Variants in ADAM10 observed in about 807,000 individuals in gnomAD.
ADAM10 encodes disintegrin and metalloproteinase domain-containing protein 10.
Under a neutral mutation model 90.1 loss-of-function variants are expected in ADAM10, and 17 were observed. The ratio of observed to expected loss-of-function variants is 0.19; its 90% CI spans 0.13 to 0.28. The LOEUF (loss-of-function observed/expected upper bound fraction) is 0.28, where lower values mean the gene tolerates loss of function less well. Ranked by LOEUF, ADAM10 falls within the 10% of genes least tolerant of loss-of-function variation. The probability of loss-of-function intolerance (pLI) is 1.00; values close to 1 mark genes in which losing one functional copy is unlikely to be tolerated. For synonymous variants in ADAM10, 310 were observed against 298.6 expected (o/e 1.04, Z -0.40); for missense variants, 610 against 914.3 (o/e 0.67, Z 4.29).
intron 1 of ADAM10, among the ~76,000 whole-genome samples, chr15:58,744,079 T>C (rs1489116187): frequency 6.6e-6 from 1 of 152,246 alleles, no homozygotes; most frequent in Non-Finnish European, 1.5e-5. Context: ...TTTTATTTGC[T>C]GTACCTGCCT....
intron 1 of ADAM10, among the ~76,000 whole-genome samples, chr15:58,727,620 A>G (rs1665204331): frequency 6.6e-6 from 1 of 152,202 alleles, no homozygotes; most frequent in South Asian, 2.1e-4. Flanking sequence ...GCATGAGATG[A>G]CACGCCAGCC....
chr15:58,662,292 G>A (rs1472429656), intron 5 of ADAM10, among the ~76,000 whole-genome samples: 1 of 152,012 alleles, frequency 6.6e-6, no homozygotes, highest in African/African-American at 2.4e-5. Context: ...TCTACTCTAG[G>A]GCTAGGTTAG....
At chr15:58,656,226 T>C (rs1208396316) in intron 5 of ADAM10, among the ~76,000 whole-genome samples, 1 of 152,210 alleles carries the variant, frequency 6.6e-6, no homozygotes, top group Non-Finnish European at 1.5e-5. Flanking sequence ...GTTTCTTGTA[T>C]GCAATAGATC....
chr15:58,743,470 G>C (rs893700835), intron 1 of ADAM10, among the ~76,000 whole-genome samples: 2 of 152,066 alleles, frequency 1.3e-5, no homozygotes, highest in Non-Finnish European at 2.9e-5. Flanking sequence ...AGACAGACAA[G>C]AAATTTAACT....
chr15:58,735,257 C>G (rs1899391891), intron 1 of ADAM10, among the ~76,000 whole-genome samples: 1 of 152,152 alleles, frequency 6.6e-6, no homozygotes, highest in African/African-American at 2.4e-5. Context: ...CTACTCTATC[C>G]TGATCCTTAC....
chr15:58,683,859 CAAAAAAAAAA>C (rs71425819), intron 2 of ADAM10, among the ~76,000 whole-genome samples: 23,031 of 67,740 alleles, frequency 0.34, 2,318 homozygotes, highest in East Asian at 0.58. Flanking sequence ...GGCTCCATCT[CAAAAAAAAAA>C]AAAAAAAAAA....
chr15:58,621,440 A>T (rs772429072), intron 11 of ADAM10, 31 bp downstream of exon 11: 10 of 1,613,444 alleles, frequency 6.2e-6, no homozygotes, highest in African/African-American at 1.3e-5. Flanking sequence ...ACTTTACAAG[A>T]ATGTTAACAT....
chr15:58,661,379 T>C (rs942284147), intron 5 of ADAM10, among the ~76,000 whole-genome samples: 31 of 152,158 alleles, frequency 2.0e-4, no homozygotes, highest in Non-Finnish European at 1.3e-4. Flanking sequence ...TTTAAAAAGA[T>C]CTTTAATTTG....
chr15:58,656,752 T>C (rs1896838590), intron 5 of ADAM10, among the ~76,000 whole-genome samples: 1 of 152,226 alleles, frequency 6.6e-6, no homozygotes, highest in Non-Finnish European at 1.5e-5. Context: ...TAATCACAGA[T>C]ACACAATATT....
intron 5 of ADAM10, among the ~76,000 whole-genome samples, chr15:58,661,713 G>T (rs1273262343): frequency 2.6e-5 from 4 of 152,024 alleles, no homozygotes; most frequent in South Asian, 2.1e-4. Context: ...AAAATTCGGA[G>T]GCATTAATTT....
In ADAM10 at chr15:58,682,200, A is replaced by G; in HGVS notation, c.321T>C (p.Ile107=). 8 of 1,612,456 alleles carry G rather than the reference A, an allele frequency of 5.0e-6. No individual in the cohort carries two copies. The highest frequency in any genetic ancestry group is 6.8e-6 in the Non-Finnish European group (8 of 1,179,234). Residue 107 remains isoleucine (I), a synonymous_variant, in exon 3 of 16, where the codon ATT becomes ATC. Coordinates refer to ENST00000260408, the MANE Select transcript of ADAM10 (RefSeq NM_001110.4). ...TTCTGTTAAGGTCCAACTTACCATAAATATGTCCAGTGTAAATATGAGAGG... is the reference window on the plus strand; with the variant it reads ...TTCTGTTAAGGTCCAACTTACCATAGATATGTCCAGTGTAAATATGAGAGG... ...YDTSHIYTGH[I]YGEEGSFSHG...
intron 1 of ADAM10, among the ~76,000 whole-genome samples, chr15:58,738,060 G>C (rs943590330): frequency 6.6e-6 from 1 of 152,176 alleles, no homozygotes; most frequent in Non-Finnish European, 1.5e-5. Flanking sequence ...CAATAAATGA[G>C]AGGATATAAG....
intron 5 of ADAM10, among the ~76,000 whole-genome samples, chr15:58,649,869 G>C (rs1036782615): frequency 8.5e-5 from 13 of 152,100 alleles, no homozygotes; most frequent in Admixed American, 4.6e-4. Context: ...ACCTGTCCTT[G>C]ACTCTCCATT....
At chr15:58,620,572 GA>G (rs1234123161) in intron 11 of ADAM10, among the ~76,000 whole-genome samples, 1 of 151,842 alleles carries the variant, frequency 6.6e-6, no homozygotes, top group Non-Finnish European at 1.5e-5. Flanking sequence ...AAAGTAAATG[GA>G]TTCCACATTA....
intron 1 of ADAM10, among the ~76,000 whole-genome samples, chr15:58,720,661 A>G (rs546511632): frequency 6.6e-6 from 1 of 152,234 alleles, no homozygotes; most frequent in East Asian, 1.9e-4. Flanking sequence ...TCAGCCTCCC[A>G]AAGTGCTGGG....
Position 58,608,283 on chromosome 15 carries a change from G to C in ADAM10, c.2025+2014C>G, listed in dbSNP as rs1204420276. On this transcript the variant is annotated intron_variant, in intron 14 of 15. Transcript: ENST00000260408. ...CCAGGCACCACTGGAAAGGAAAGTA[G>C]TGAAACTAACCCCTCACTTCTTTCA... Among the ~76,000 whole-genome samples, 8 of 152,294 alleles carry C rather than the reference G, an allele frequency of 5.3e-5. No individual in the cohort carries two copies. The East Asian group carries it at 1.5e-3, about 29-fold the overall frequency.
chr15:58,687,582 A>T (rs1413956407), intron 2 of ADAM10, among the ~76,000 whole-genome samples: 1 of 112,372 alleles, frequency 8.9e-6, no homozygotes, highest in East Asian at 2.4e-4. Context: ...AATTAATCAT[A>T]AAAAAAAAAA....
At chr15:58,609,091 A>T (rs985503049) in intron 14 of ADAM10, 8 of 152,182 alleles carry the variant, frequency 5.3e-5, no homozygotes, top group African/African-American at 2.4e-5. Flanking sequence ...TAAACACCAG[A>T]AAGATTATTT....
rs1426106942 is a variant in ADAM10 at position 58,601,279 on chromosome 15, TG to T, written c.2026-1556del. Among the ~76,000 whole-genome samples, 4 of 152,136 alleles carry T rather than the reference TG, an allele frequency of 2.6e-5. No homozygotes were observed. The East Asian group carries it at 7.8e-4, about 29-fold the overall frequency. ...GAGTTCGAGACTAGCCAGGCCCACATGGTGAAACCCCGTCTCTACTAAAAAT... is the reference window on the plus strand; with the variant it reads ...GAGTTCGAGACTAGCCAGGCCCACATGTGAAACCCCGTCTCTACTAAAAAT... On this transcript the variant is annotated intron_variant, in intron 14 of 15. Transcript: ENST00000260408.
Sources: gnomAD v4.1 joint callset for allele counts (sites outside exome capture counted in the v4.1 genomes callset) on GRCh38, gnomAD v4.1.1 for gene constraint, MANE v1.5 for transcripts, NCBI Gene and HGNC (gene_info 2026-07-23, HGNC 2026-07-21) for gene names.